The following CYRIA variants were observed in gnomAD, a reference collection of about 807,000 sequenced individuals.
The protein encoded by CYRIA is CYFIP related Rac1 interactor A.
CYRIA carries 15 observed loss-of-function variants against 43.9 expected under a neutral mutation model. That is an observed-to-expected ratio of 0.34 (90% confidence interval 0.23 to 0.53). The LOEUF (loss-of-function observed/expected upper bound fraction) is 0.53, where lower values mean the gene tolerates loss of function less well. Ranked by LOEUF, CYRIA falls within the 20% of genes least tolerant of loss-of-function variation. The probability of loss-of-function intolerance (pLI) is 0.94; values close to 1 mark genes in which losing one functional copy is unlikely to be tolerated. For missense variants in CYRIA, 236 were observed against 394.2 expected (o/e 0.60, Z 3.40); for synonymous variants, 117 against 136.0 (o/e 0.86, Z 0.97).
intron 2 of CYRIA, among the ~76,000 whole-genome samples, chr2:16,617,679 T>A (rs1314553230): frequency 6.6e-6 from 1 of 152,238 alleles, no homozygotes; most frequent in African/African-American, 2.4e-5. Flanking sequence ...CCTTGCCTGC[T>A]ACGAAGAGGT....
At chr2:16,597,277 G>T (rs1668060979) in intron 2 of CYRIA, among the ~76,000 whole-genome samples, 1 of 39,438 alleles carries the variant, frequency 2.5e-5, no homozygotes, top group Non-Finnish European at 4.2e-5. Context: ...TTCAATTCCT[G>T]GGTATCCTTG....
intron 1 of CYRIA, among the ~76,000 whole-genome samples, chr2:16,657,523 G>T (rs111617621): frequency 1.3e-5 from 2 of 149,942 alleles, no homozygotes; most frequent in East Asian, 3.9e-4. Context: ...TGCCAAGCAT[G>T]GTCATTTAAT....
chr2:16,577,576 A>G (rs1434629917), intron 3 of CYRIA, among the ~76,000 whole-genome samples: 3 of 152,200 alleles, frequency 2.0e-5, no homozygotes, highest in Admixed American at 2.0e-4. Flanking sequence ...CAAGTTTGAC[A>G]GAGAAATGGT....
intron 3 of CYRIA, among the ~76,000 whole-genome samples, chr2:16,584,664 C>T (rs1297661787): frequency 2.6e-5 from 4 of 152,156 alleles, no homozygotes; most frequent in Admixed American, 2.6e-4. Context: ...TTTCATCCGC[C>T]GTTTCTCTCC....
At position 16,565,658 on chromosome 2, in the gene CYRIA, T is replaced by C. The variant is rs1183503890; in HGVS notation, c.180A>G (p.Pro60=). Residue 60 remains proline, a synonymous_variant, in exon 4 of 12, where the codon CCA becomes CCG. Transcript: ENST00000381323. ...ATCATTGACATACATCTCGGATCTC[T>C]GGGCCTGCGCCTTTGTAAGCCTGCA... ...ADLQAYKGAG[P]EIRDAIQNPN... 2 of 1,575,760 alleles carry C rather than the reference T, an allele frequency of 1.3e-6. No individual in the cohort carries two copies. The highest frequency in any genetic ancestry group is 1.3e-5 in the African/African-American group (1 of 74,282).
At chr2:16,565,604 C>T in intron 4 of CYRIA, 42 bp downstream of exon 4, 5 of 1,494,980 alleles carry the variant, frequency 3.3e-6, no homozygotes, top group Non-Finnish European at 4.5e-6. Flanking sequence ...GTTTTCCTTC[C>T]CCTCCTCGGG....
rs187197437 is a variant in CYRIA at position 16,621,754 on chromosome 2, C to T, written c.-11+2110G>A. ...TGCCTTATCCAGAGGTGTTCCCTGGCACTGTATATAAAACAGTAATGTCCA... is the reference window on the plus strand; with the variant it reads ...TGCCTTATCCAGAGGTGTTCCCTGGTACTGTATATAAAACAGTAATGTCCA... On this transcript the variant is annotated intron_variant, in intron 2 of 11. Coordinates refer to ENST00000381323, the MANE Select transcript of CYRIA (RefSeq NM_030797.4). 1.1e-3 allele frequency among the ~76,000 whole-genome samples: 166 copies of T among 152,324 alleles called. 2 individuals are homozygous for T. The highest frequency in any genetic ancestry group is 4.4e-3 in the Admixed American group (67 of 15,306).
chr2:16,555,075 G>T lies in CYRIA; in HGVS notation c.902C>A (p.Ala301Asp), dbSNP rs1308921966. 6.2e-7 allele frequency: 1 copy of T among 1,613,006 alleles called. No individual in the cohort carries two copies. Among genetic ancestry groups the T allele is most frequent in the Non-Finnish European group, 8.5e-7 (1 of 1,179,468 alleles). Residue 301 changes from alanine to aspartate, a missense_variant, in exon 11 of 12, where the codon GCC becomes GAC. Transcript: ENST00000381323. ...APDSVEGLLNALRFTTKHLND... is the reference protein window; with the variant it reads ...APDSVEGLLNDLRFTTKHLND... The stretch of plus-strand genomic sequence containing the variant: ...ACACAGGGTTGAAGCTCACCTGAGG[G>T]CATTTAGCAGCCCCTCCACACTGTC...
chr2:16,613,226 A>C (rs540773299), intron 2 of CYRIA, among the ~76,000 whole-genome samples: 2 of 152,248 alleles, frequency 1.3e-5, no homozygotes, highest in East Asian at 3.9e-4. Flanking sequence ...ATGCATTTTC[A>C]GGAGTGCATT....
At chr2:16,576,813 A>G (rs868681135) in intron 3 of CYRIA, among the ~76,000 whole-genome samples, 24 of 152,198 alleles carry the variant, frequency 1.6e-4, no homozygotes, top group African/African-American at 5.8e-4. Context: ...CTATACATAC[A>G]ATGGAATATT....
chr2:16,625,741 C>T (rs1369742097), intron 1 of CYRIA: 1 of 152,074 alleles, frequency 6.6e-6, no homozygotes, highest in Admixed American at 6.5e-5. Flanking sequence ...TTGACTGTGG[C>T]TGAGGGGCCA....
chr2:16,582,044 G>A (rs923502595), intron 3 of CYRIA, among the ~76,000 whole-genome samples: 1 of 152,138 alleles, frequency 6.6e-6, no homozygotes, highest in Admixed American at 6.5e-5. Context: ...AGCTGTTTTT[G>A]GGGTCTGGTA....
intron 2 of CYRIA, among the ~76,000 whole-genome samples, chr2:16,622,236 T>TG (rs1346467402): frequency 1.3e-5 from 2 of 152,164 alleles, no homozygotes; most frequent in Non-Finnish European, 2.9e-5. Context: ...TAATACCTCA[T>TG]GGGACAAAGG....
chr2:16,628,272 G>A (rs1056932969), intron 1 of CYRIA, among the ~76,000 whole-genome samples: 1 of 152,194 alleles, frequency 6.6e-6, no homozygotes, highest in Non-Finnish European at 1.5e-5. Context: ...AGGTCCATAT[G>A]ATTATTCTTA....
intron 1 of CYRIA, among the ~76,000 whole-genome samples, chr2:16,633,934 G>A (rs1258360560): frequency 6.6e-6 from 1 of 152,056 alleles, no homozygotes; most frequent in African/African-American, 2.4e-5. Context: ...GTTATATAAT[G>A]AGGTGATATC....
chr2:16,633,745 G>A (rs566387001), intron 1 of CYRIA, among the ~76,000 whole-genome samples: 1 of 152,052 alleles, frequency 6.6e-6, no homozygotes, highest in South Asian at 2.1e-4. Context: ...TGCTTGGGCT[G>A]TGGCCCTGTC....
intron 2 of CYRIA, among the ~76,000 whole-genome samples, chr2:16,600,839 G>A (rs1166508792): frequency 1.3e-5 from 2 of 152,126 alleles, no homozygotes; most frequent in Non-Finnish European, 2.9e-5. Context: ...CACATTGATT[G>A]GGGGGATAAA....
At chr2:16,630,415 G>T (rs1247904355) in intron 1 of CYRIA, among the ~76,000 whole-genome samples, 1 of 152,072 alleles carries the variant, frequency 6.6e-6, no homozygotes, top group Non-Finnish European at 1.5e-5. Flanking sequence ...AGCAGAACCA[G>T]AACAAGAGCC....
At chr2:16,565,527 T>G (rs1052140612) in intron 4 of CYRIA, 119 bp downstream of exon 4, 45 of 1,234,804 alleles carry the variant, frequency 3.6e-5, no homozygotes, top group Non-Finnish European at 4.3e-5. Context: ...TCCTTGTTCT[T>G]CCTGGTACTC....
Sources: gnomAD v4.1 joint callset for allele counts (sites outside exome capture counted in the v4.1 genomes callset) on GRCh38, gnomAD v4.1.1 for gene constraint, MANE v1.5 for transcripts, NCBI Gene and HGNC (gene_info 2026-07-23, HGNC 2026-07-21) for gene names.